Variants in ADGRG1 observed in about 807,000 individuals in gnomAD.
ADGRG1 encodes the protein adhesion G protein-coupled receptor G1.
In ADGRG1, 53 loss-of-function variants were observed where a neutral mutation model predicts 73.5. That is an observed-to-expected ratio of 0.72 (90% confidence interval 0.58 to 0.91). The LOEUF is 0.91. ADGRG1 is among the 40% of genes least tolerant of loss of function. The pLI, the probability that ADGRG1 is intolerant of heterozygous loss-of-function variation, is 0.00. For missense variants in ADGRG1, 795 were observed against 871.8 expected, an observed-to-expected ratio of 0.91 and a Z score of 1.11; for synonymous variants, 394 against 374.4, an observed-to-expected ratio of 1.05 and a Z score of -0.60.
intron 1 of ADGRG1, chr16:57,632,716 G>A: frequency 1.1e-6 from 1 of 919,158 alleles, no homozygotes. Flanking sequence ...CGCAGGCTCA[G>A]GCAGTTTGTG....
At chr16:57,649,004 A>G (rs1442600912) in intron 1 of ADGRG1, among the ~76,000 whole-genome samples, 1 of 152,238 alleles carries the variant, frequency 6.6e-6, no homozygotes, top group Non-Finnish European at 1.5e-5. Context: ...AGTGGGAATC[A>G]ATGCAGATGC....
chr16:57,652,751 T>C (rs2044411333), intron 3 of ADGRG1: 1 of 1,040,538 alleles, frequency 9.6e-7, no homozygotes, highest in African/African-American at 1.7e-5. Flanking sequence ...TCCCAGCTAA[T>C]CCCTGGAGAC....
chr16:57,663,318 G>T (rs1416361840), intron 13 of ADGRG1, 134 bp from the exon 14 acceptor site: 27 of 1,530,712 alleles, frequency 1.8e-5, no homozygotes, highest in Non-Finnish European at 2.2e-5. Flanking sequence ...GGGTCTCATG[G>T]GTGCCCGACA....
intron 1 of ADGRG1, chr16:57,636,014 C>G (rs527646844): frequency 1.0e-6 from 1 of 985,386 alleles, no homozygotes; most frequent in East Asian, 1.1e-4. Flanking sequence ...ACACACCCCA[C>G]CCCCAGCCTG....
intron 1 of ADGRG1, chr16:57,631,966 G>C: frequency 1.0e-6 from 1 of 984,732 alleles, no homozygotes; most frequent in South Asian, 4.7e-5. Flanking sequence ...AGCCTGCCCT[G>C]GCAGGAGGTC....
intron 5 of ADGRG1, among the ~76,000 whole-genome samples, 175 bp downstream of exon 5, chr16:57,654,308 G>A (rs1163033394): frequency 6.6e-6 from 1 of 152,030 alleles, no homozygotes; most frequent in Admixed American, 6.5e-5. Context: ...CCGTGGGATT[G>A]AGGACCCTGT....
Position 57,630,110 on chromosome 16 carries a change from G to A in ADGRG1, c.-36+1308G>A, listed in dbSNP as rs779495042. On this transcript the variant is annotated intron_variant, in intron 1 of 13. Coordinates refer to ENST00000562631, the MANE Select transcript of ADGRG1 (RefSeq NM_201525.4). ...CACTCTGTGCTCTGTCGGGAACATGGCCGTGGGTGAGGCAAATAAGGTATC... is the reference window on the plus strand; with the variant it reads ...CACTCTGTGCTCTGTCGGGAACATGACCGTGGGTGAGGCAAATAAGGTATC... 327 of 728,332 alleles carry A rather than the reference G, an allele frequency of 4.5e-4. 1 individual carries two copies. The highest frequency in any genetic ancestry group is 2.7e-3 in the Middle Eastern group (4 of 1,472). 45.1% of individuals were successfully genotyped at this position (728,332 alleles called of 1,614,324 possible).
At chr16:57,653,127 T>A in intron 3 of ADGRG1, 76 bp from the exon 4 acceptor site, 1 of 1,596,722 alleles carries the variant, frequency 6.3e-7, no homozygotes, top group Admixed American at 1.7e-5. Flanking sequence ...CATGTCAGGG[T>A]GGTAGGGGGC....
At position 57,655,493 on chromosome 16, in the gene ADGRG1, T is replaced by G. The variant is rs781227363; in HGVS notation, c.863T>G (p.Leu288Arg). ...CGGAGCGGGGAGGCTGAGAAGAGAC[T>G]CCTCCTGGTGGACTTCAGCAGCCAA... ...KGRSGEAEKR[L>R]LLVDFSSQAL... is the part of the protein sequence containing the mutation. Residue 288 changes from leucine to arginine, a missense_variant, in exon 6 of 14, where the codon CTC (leucine) becomes CGC (arginine). By Grantham distance (102) the Leu-to-Arg change is moderately radical (BLOSUM62 -2). Coordinates refer to ENST00000562631, the MANE Select transcript of ADGRG1 (RefSeq NM_201525.4). 6.2e-7 allele frequency: 1 copy of G among 1,613,840 alleles called. No individual in the cohort carries two copies. Among genetic ancestry groups the G allele is most frequent in the South Asian group, 1.1e-5 (1 of 91,078 alleles).
At position 57,665,218 on chromosome 16, in the gene ADGRG1, A is replaced by G; in HGVS notation, c.*1636A>G. ...TCAACCAGGGCACAGGGGAAGATAA[A>G]TGGCAACTTGGTGTCTGTGCTGGGG... On this transcript the variant is annotated 3_prime_UTR_variant, in exon 14 of 14. Transcript: ENST00000562631. 1 of 152,114 alleles carries G rather than the reference A, an allele frequency of 6.6e-6. No individual in the cohort carries two copies. Among genetic ancestry groups the G allele is most frequent in the East Asian group, 1.9e-4 (1 of 5,184 alleles). The allele number at this position is 152,114 out of a possible 1,614,324, so 9.4% of individuals were successfully genotyped here.
rs865840044 is a variant in ADGRG1, at chr16:57,661,783, C to A, written c.1751C>A (p.Ala584Asp). The change falls in exon 13 of 14, where the codon GCC (alanine) becomes GAC (aspartate). Residue 584 changes from alanine (A) to aspartate (D), a missense_variant. Coordinates refer to ENST00000562631, the MANE Select transcript of ADGRG1 (RefSeq NM_201525.4). ...TTTCTGTTCAACATGGCCATGCTAG[C>A]CACCATGGTGGTGCAGATCCTGCGG... Reference protein sequence around the residue: ...LVFLFNMAMLATMVVQILRLR... With the variant: ...LVFLFNMAMLDTMVVQILRLR... The A allele has an allele frequency of 6.2e-7, 1 of 1,614,256 alleles. No individual in the cohort carries two copies. Among genetic ancestry groups the A allele is most frequent in the African/African-American group, 1.3e-5 (1 of 75,078 alleles).
chr16:57,663,927 T>G lies in ADGRG1; in HGVS notation c.*345T>G. ...TCATTGCTGGGGGCCAGGCCTTGGA[T>G]CTTGAGGGTCTGGCACATCCTTAAT... On this transcript the variant is annotated 3_prime_UTR_variant, in exon 14 of 14. Transcript: ENST00000562631. The G allele has an allele frequency of 2.5e-6, 1 of 399,012 alleles. No homozygotes were observed. The highest frequency in any genetic ancestry group is 4.0e-5 in the Admixed American group (1 of 25,050). The allele number at this position is 399,012 out of a possible 1,614,324, so 24.7% of individuals were successfully genotyped here.
chr16:57,665,401 CTG>C lies in ADGRG1; in HGVS notation c.*1822_*1823del, dbSNP rs2048024062. On this transcript the variant is annotated 3_prime_UTR_variant, in exon 14 of 14. Coordinates refer to ENST00000562631, the MANE Select transcript of ADGRG1 (RefSeq NM_201525.4). ...TTTTATGAGAAATGGGAAATCCAGA[CTG>C]TGGTTTGACATCCCCTGATTTTAAA... The C allele has an allele frequency of 6.6e-6, 1 of 152,240 alleles. No homozygotes were observed. Among genetic ancestry groups the C allele is most frequent in the Non-Finnish European group, 1.5e-5 (1 of 68,046 alleles). 9.4% of individuals were successfully genotyped at this position (152,240 alleles called of 1,614,324 possible).
rs917585638 is a variant in ADGRG1, at chr16:57,650,919, G to A, written c.65-281G>A. The stretch of plus-strand genomic sequence containing the variant: ...GAGACGGGGTTTCACCGTTTTAGCC[G>A]GGATGGTCTCGATCTCCTGACCTCG... On this transcript the variant is annotated intron_variant, in intron 2 of 13. Transcript: ENST00000562631. The A allele has an allele frequency of 6.8e-4, 156 of 229,648 alleles. 1 individual carries two copies. The highest frequency in any genetic ancestry group is 9.0e-4 in the Non-Finnish European group (126 of 139,534). 14.2% of individuals were successfully genotyped at this position (229,648 alleles called of 1,614,324 possible).
In ADGRG1 at chr16:57,655,683, G is replaced by A. The variant is rs147868652; in HGVS notation, c.900+153G>A. On this transcript the variant is annotated intron_variant, in intron 6 of 13. Transcript: ENST00000562631. ...CACTGCAATGTGCAAATCTCCCTGT[G>A]AGAGGGCTAAGCAATGTTCTTCTTA... The A allele has an allele frequency of 2.7e-5, 27 of 985,300 alleles. No individual in the cohort carries two copies. The African/African-American group carries it at 4.5e-4, about 17-fold the overall frequency. 61.0% of individuals were successfully genotyped at this position (985,300 alleles called of 1,614,324 possible). A position where few individuals can be genotyped will look rare whatever the true frequency, so the allele number is the denominator to read the frequency against.
chr16:57,625,449 C>A, upstream of ADGRG1: 1 of 345,918 alleles, frequency 2.9e-6, no homozygotes, highest in Non-Finnish European at 4.1e-6. Context: ...GGTGGGGTGT[C>A]CCAGCCCTTT....
chr16:57,639,753 C>A (rs574760503), intron 1 of ADGRG1: 1 of 828,470 alleles, frequency 1.2e-6, no homozygotes, highest in Non-Finnish European at 1.5e-6. Context: ...TCTCCCCTGT[C>A]TTCCTCCTTC....
At chr16:57,645,083 G>A in intron 1 of ADGRG1, 3 of 985,398 alleles carry the variant, frequency 3.0e-6, no homozygotes, top group Non-Finnish European at 3.6e-6. Context: ...CCACATGCCT[G>A]TGTAACTCGC....
chr16:57,647,515 T>A (rs933379077), intron 1 of ADGRG1: 2 of 816,684 alleles, frequency 2.4e-6, no homozygotes, highest in Non-Finnish European at 3.0e-6. Flanking sequence ...CATTTAATTC[T>A]CACAATGACC....
Sources: gnomAD v4.1 joint callset for allele counts (sites outside exome capture counted in the v4.1 genomes callset) on GRCh38, gnomAD v4.1.1 for gene constraint, MANE v1.5 for transcripts, NCBI Gene and HGNC (gene_info 2026-07-23, HGNC 2026-07-21) for gene names.